STK39: variants seen among roughly 807,000 people sequenced by gnomAD.
The protein encoded by STK39 is serine/threonine kinase 39.
In STK39, 20 loss-of-function variants were observed where a neutral mutation model predicts 77.8. That is an observed-to-expected ratio of 0.26 (90% confidence interval 0.18 to 0.37). STK39 has a LOEUF of 0.37. STK39 is among the 10% of genes least tolerant of loss of function. The pLI is 1.00. For missense variants in STK39, 479 were observed against 656.5 expected (o/e 0.73, Z 2.95); for synonymous variants, 246 against 234.1 (o/e 1.05, Z -0.47).
chr2:168,038,528 T>C (rs1463583008), intron 14 of STK39, among the ~76,000 whole-genome samples: 1 of 151,562 alleles, frequency 6.6e-6, no homozygotes, highest in Non-Finnish European at 1.5e-5. Context: ...TAAAGATTTC[T>C]TAAATAGTAT....
intron 5 of STK39, among the ~76,000 whole-genome samples, chr2:168,143,650 G>T (rs1688053610): frequency 6.6e-6 from 1 of 151,976 alleles, no homozygotes; most frequent in South Asian, 2.1e-4. Flanking sequence ...GGAGGCGGAG[G>T]TTGCAGTGAG....
chr2:168,005,470 G>A (rs1332400174), intron 16 of STK39, among the ~76,000 whole-genome samples: 1 of 151,472 alleles, frequency 6.6e-6, no homozygotes, highest in Non-Finnish European at 1.5e-5. Context: ...GGAAGATACA[G>A]CAATATTTAC....
At chr2:168,115,142 A>G (rs1376048613) in intron 10 of STK39, among the ~76,000 whole-genome samples, 1 of 152,236 alleles carries the variant, frequency 6.6e-6, no homozygotes, top group Non-Finnish European at 1.5e-5. Context: ...AACCACCAGA[A>G]GATCTGGAAT....
intron 16 of STK39, among the ~76,000 whole-genome samples, chr2:168,007,822 T>C (rs1684169740): frequency 6.6e-6 from 1 of 152,156 alleles, no homozygotes; most frequent in Non-Finnish European, 1.5e-5. Flanking sequence ...ATGGTGATTG[T>C]GGGTGGAGAA....
Position 168,065,356 on chromosome 2 carries a change from G to A in STK39, c.1268C>T (p.Pro423Leu). Residue 423 changes from proline to leucine, a missense_variant, in exon 13 of 18, where the codon CCC becomes CTC. This residue lies in a region of STK39 where 244 missense variants were observed against 296.8 expected (regional missense o/e 0.82). Coordinates refer to ENST00000355999, the MANE Select transcript of STK39 (RefSeq NM_013233.3). ...CACAGAGAGGGACTGTATTTGTTCG[G>A]GGATGGTGCTGGCACTCACTGCAAT... ...PEIAVSASTIPEQIQSLSVHD... is the reference protein window; with the variant it reads ...PEIAVSASTILEQIQSLSVHD... 1.2e-6 allele frequency: 2 copies of A among 1,614,058 alleles called. No homozygotes were observed. The highest frequency in any genetic ancestry group is 1.7e-6 in the Non-Finnish European group (2 of 1,179,950).
chr2:168,135,974 G>A (rs1460434152), intron 8 of STK39, among the ~76,000 whole-genome samples: 4 of 132,644 alleles, frequency 3.0e-5, no homozygotes, highest in South Asian at 2.6e-4. Context: ...GTTATATGAC[G>A]CTCTTCTAAA....
At chr2:167,988,436 C>T (rs1019768198) in intron 16 of STK39, among the ~76,000 whole-genome samples, 8 of 152,190 alleles carry the variant, frequency 5.3e-5, no homozygotes, top group Non-Finnish European at 1.2e-4. Flanking sequence ...TGCTTCCCAA[C>T]ATGAAATCCC....
At chr2:168,140,824 T>A in intron 5 of STK39, 66 bp from the exon 6 acceptor site, 9 of 1,310,298 alleles carry the variant, frequency 6.9e-6, no homozygotes, top group Non-Finnish European at 9.5e-6. Context: ...TTGTGATTTT[T>A]TGAGCATGTC....
At chr2:168,010,837 T>C (rs1684252316) in intron 16 of STK39, among the ~76,000 whole-genome samples, 2 of 152,230 alleles carry the variant, frequency 1.3e-5, no homozygotes, top group South Asian at 2.1e-4. Flanking sequence ...TCAATTACTC[T>C]TATTTACATA....
intron 12 of STK39, among the ~76,000 whole-genome samples, chr2:168,067,357 A>G (rs1685822361): frequency 6.6e-6 from 1 of 152,200 alleles, no homozygotes; most frequent in Non-Finnish European, 1.5e-5. Flanking sequence ...CTCTGAGTTC[A>G]CACGAGATTT....
In STK39 at chr2:168,153,372, C is replaced by T. The variant is rs1688339782; in HGVS notation, c.628+8415G>A. ...GTAAATACAGATAAAAGCAAAATTA[C>T]AAAATATAATACATAGTAGTAGTTC... On this transcript the variant is annotated intron_variant, in intron 5 of 17. Coordinates refer to ENST00000355999, the MANE Select transcript of STK39 (RefSeq NM_013233.3). Among the ~76,000 whole-genome samples the T allele has an allele frequency of 2.0e-5, 3 of 152,232 alleles. No homozygotes were observed. The East Asian group carries it at 5.8e-4, about 29-fold the overall frequency.
intron 14 of STK39, among the ~76,000 whole-genome samples, chr2:168,021,741 C>T (rs1431754253): frequency 6.6e-6 from 1 of 151,454 alleles, no homozygotes; most frequent in Non-Finnish European, 1.5e-5. Flanking sequence ...TCTTATAGCT[C>T]ATTGCACTGA....
intron 1 of STK39, among the ~76,000 whole-genome samples, chr2:168,197,552 T>C (rs1241188795): frequency 6.6e-6 from 1 of 152,144 alleles, no homozygotes; most frequent in Non-Finnish European, 1.5e-5. Flanking sequence ...GTTCAAGAGA[T>C]ATTTCAGGGG....
At position 168,032,098 on chromosome 2, in the gene STK39, T is replaced by C. The variant is rs1048195842; in HGVS notation, c.1377-15003A>G. ...AGTTTGCCAAAAGTAGAAAAACCCT[T>C]GTGCTTATTCATGAAATATAGTCTT... On this transcript the variant is annotated intron_variant, in intron 14 of 17. Coordinates refer to ENST00000355999, the MANE Select transcript of STK39 (RefSeq NM_013233.3). Among the ~76,000 whole-genome samples the C allele has an allele frequency of 2.6e-5, 4 of 152,192 alleles. No individual in the cohort carries two copies. The South Asian group carries it at 8.3e-4, about 31-fold the overall frequency.
chr2:168,076,830 C>A (rs1686091980), intron 10 of STK39, among the ~76,000 whole-genome samples: 1 of 152,038 alleles, frequency 6.6e-6, no homozygotes, highest in African/African-American at 2.4e-5. Flanking sequence ...CTCTAAAAGT[C>A]TTTTCTAATG....
chr2:168,171,855 T>TC (rs1688835402), intron 2 of STK39, among the ~76,000 whole-genome samples: 1 of 58,596 alleles, frequency 1.7e-5, no homozygotes, highest in Non-Finnish European at 3.4e-5. Flanking sequence ...CCCCCCCCAC[T>TC]CCCCCCTCCC....
chr2:168,206,590 C>A (rs1229849239), intron 1 of STK39, among the ~76,000 whole-genome samples: 1 of 152,128 alleles, frequency 6.6e-6, no homozygotes, highest in East Asian at 1.9e-4. Flanking sequence ...CATGAGCCAC[C>A]ACGCCCGGCT....
chr2:168,089,040 A>G (rs1686446236), intron 10 of STK39, among the ~76,000 whole-genome samples: 1 of 152,168 alleles, frequency 6.6e-6, no homozygotes, highest in Admixed American at 6.5e-5. Flanking sequence ...CAGCGATGTT[A>G]ATCAGCACAT....
intron 5 of STK39, among the ~76,000 whole-genome samples, chr2:168,160,515 G>A (rs148365422): frequency 1.7e-3 from 255 of 146,990 alleles, no homozygotes; most frequent in African/African-American, 6.0e-3. Flanking sequence ...AGCAGTTATT[G>A]ATATTTACTG....
Sources: allele counts gnomAD v4.1 joint callset (sites outside exome capture counted in the v4.1 genomes callset), GRCh38; gene constraint gnomAD v4.1.1; regional missense constraint gnomAD v4.1.1; transcripts MANE v1.5; gene names NCBI Gene and HGNC (gene_info 2026-07-23, HGNC 2026-07-21).